TNXB: variants seen among roughly 807,000 people sequenced by gnomAD.
The protein encoded by TNXB is tenascin-X.
Under a neutral mutation model 340.5 loss-of-function variants are expected in TNXB, and 183 were observed. The ratio of observed to expected loss-of-function variants is 0.54; its 90% CI spans 0.48 to 0.61. The LOEUF is 0.61. Among genes scored for constraint, TNXB ranks in the 20% least tolerant of loss-of-function variants. TNXB has a pLI of 0.00. For missense variants in TNXB, 4,613 were observed against 5,446.4 expected, an observed-to-expected ratio of 0.85 and a Z score of 4.82; for synonymous variants, 2,121 against 2,314.5, an observed-to-expected ratio of 0.92 and a Z score of 2.40.
At position 32,049,719 on chromosome 6, in the gene TNXB, T is replaced by C; in HGVS notation, c.9440-132A>G. 4.9e-6 allele frequency: 6 copies of C among 1,221,600 alleles called. No individual in the cohort carries two copies. Among genetic ancestry groups the C allele is most frequent in the Non-Finnish European group, 6.7e-6 (6 of 892,640 alleles). 75.7% of individuals were successfully genotyped at this position (1,221,600 alleles called of 1,614,324 possible). On this transcript the variant is annotated intron_variant, in intron 27 of 43. Coordinates refer to ENST00000644971, the MANE Select transcript of TNXB (RefSeq NM_001365276.2). The surrounding 1 kb of genome is among the most constrained non-coding windows in gnomAD (Gnocchi z 4.5). ...GAAGTCCATTCTTGGGGCTGGGTGG[T>C]CCTGCTCAGCTGACAGCTAACACAC...
At position 32,070,307 on chromosome 6, in the gene TNXB, G is replaced by C. The variant is rs200248536; in HGVS notation, c.5098C>G (p.Gln1700Glu). Residue 1700 changes from glutamine to glutamate, a missense_variant, in exon 14 of 44, where the codon CAG becomes GAG. By Grantham distance (29) the Gln-to-Glu change is conservative (BLOSUM62 2). Transcript: ENST00000644971. This position sits in a 1 kb window ranked among gnomAD's most constrained non-coding sequence, Gnocchi z 6.0. The stretch of plus-strand genomic sequence containing the variant: ...AACTGGACCACAAAAGAGTCGAACT[G>C]GCCCTCAGGAACCGTCCAGGAGAGG... ...LRLSWTVPEGQFDSFVVQFKD... is the reference protein window; with the variant it reads ...LRLSWTVPEGEFDSFVVQFKD... 3.1e-5 allele frequency: 50 copies of C among 1,612,888 alleles called. No individual in the cohort carries two copies. The highest frequency in any genetic ancestry group is 4.1e-5 in the Non-Finnish European group (48 of 1,179,538).
In TNXB at chr6:32,073,551, G is replaced by T; in HGVS notation, c.4681+96C>A. ...CTGAGGGGATCTAGCCCCTCAGTGA[G>T]GGTGCGGTGGTACCAAGGCAGGGCT... On this transcript the variant is annotated intron_variant, in intron 12 of 43. Transcript: ENST00000644971. This position sits in a 1 kb window ranked among gnomAD's most constrained non-coding sequence, Gnocchi z 4.6. 1 of 1,136,114 alleles carries T rather than the reference G, an allele frequency of 8.8e-7. No homozygotes were observed. 70.4% of individuals were successfully genotyped at this position (1,136,114 alleles called of 1,614,324 possible). A position where few individuals can be genotyped will look rare whatever the true frequency, so the allele number is the denominator to read the frequency against.
In TNXB at chr6:32,042,517, C is replaced by G. The variant is rs756862408; in HGVS notation, c.12148G>C (p.Gly4050Arg). The G allele has an allele frequency of 9.3e-6, 15 of 1,612,386 alleles. No homozygotes were observed. Among genetic ancestry groups the G allele is most frequent in the Non-Finnish European group, 1.3e-5 (15 of 1,179,994 alleles). Residue 4050 changes from glycine (G) to arginine (R), a missense_variant, in exon 40 of 44, where the codon GGC (glycine) becomes CGC (arginine). Physicochemically the swap from Gly to Arg is moderately radical, Grantham distance 125. Around this residue, in one of 7 missense-constraint regions of TNXB, gnomAD observed 121 missense variants for 177.4 expected, o/e 0.68. Transcript: ENST00000644971. ...ASRTSTIFLN[G>R]NRERPLNVFC... ...ACGTTCAGGGGCCGCTCGCGGTTGC[C>G]GTTGAGGAAGATGGTGCTGGTCCTG...
chr6:32,072,319 G>A lies in TNXB; in HGVS notation c.4682-21C>T, dbSNP rs759506700. 1.8e-5 allele frequency: 28 copies of A among 1,577,836 alleles called. No homozygotes were observed. The highest frequency in any genetic ancestry group is 2.3e-5 in the Non-Finnish European group (27 of 1,160,150). On this transcript the variant is annotated intron_variant, in intron 12 of 43. Coordinates refer to ENST00000644971, the MANE Select transcript of TNXB (RefSeq NM_001365276.2). The surrounding 1 kb of genome is among the most constrained non-coding windows in gnomAD (Gnocchi z 4.4). Reference sequence around the variant, plus strand: ...GGGAGCTGGGATTTGGGAAGACAAAGAACATGGTTGAGATCTCTGAGGGGA... The same window carrying A: ...GGGAGCTGGGATTTGGGAAGACAAAAAACATGGTTGAGATCTCTGAGGGGA...
chr6:32,086,645 T>C (rs1354078930), intron 6 of TNXB, among the ~76,000 whole-genome samples: 2 of 152,154 alleles, frequency 1.3e-5, no homozygotes, highest in East Asian at 1.9e-4. Flanking sequence ...CAGGGTGCCC[T>C]TTCCCCAAGC....
rs1262353356 is a variant in TNXB, at chr6:32,072,057, G to A, written c.4923C>T (p.Tyr1641=). 2 of 1,612,586 alleles carry A rather than the reference G, an allele frequency of 1.2e-6. No homozygotes were observed. The change falls in exon 13 of 44, where the codon TAC becomes TAT. Residue 1641 remains tyrosine (Y), a synonymous_variant. Transcript: ENST00000644971. This position sits in a 1 kb window ranked among gnomAD's most constrained non-coding sequence, Gnocchi z 4.4. ...CCTGGATCCCAAAGAGCAGGAACTT[G>A]TACTTGCGGGAGGGTTCCAGGTCAG... The part of the protein sequence containing the change: ...TIPDLEPSRK[Y]KFLLFGIQDG...
chr6:32,047,023 C>T lies in TNXB; in HGVS notation c.10325-567G>A, dbSNP rs1185248137. ...CTGGGCCGGGGCAGCCAGGGTGGGG[C>T]AGGGAGAAGACAGGGGATTAGCTGG... On this transcript the variant is annotated intron_variant, in intron 30 of 43. Coordinates refer to ENST00000644971, the MANE Select transcript of TNXB (RefSeq NM_001365276.2). The surrounding 1 kb of genome is among the most constrained non-coding windows in gnomAD (Gnocchi z 6.2). Among the ~76,000 whole-genome samples, 2 of 152,216 alleles carry T rather than the reference C, an allele frequency of 1.3e-5. No homozygotes were observed. The highest frequency in any genetic ancestry group is 2.9e-5 in the Non-Finnish European group (2 of 68,028).
rs1778048109 is a variant in TNXB, at chr6:32,062,012, A to G, written c.7168+145T>C. 1 of 1,172,770 alleles carries G rather than the reference A, an allele frequency of 8.5e-7. No individual in the cohort carries two copies. Among genetic ancestry groups the G allele is most frequent in the Non-Finnish European group, 1.2e-6 (1 of 849,002 alleles). 72.6% of individuals were successfully genotyped at this position (1,172,770 alleles called of 1,614,324 possible). On this transcript the variant is annotated intron_variant, in intron 20 of 43. Coordinates refer to ENST00000644971, the MANE Select transcript of TNXB (RefSeq NM_001365276.2). This position sits in a 1 kb window ranked among gnomAD's most constrained non-coding sequence, Gnocchi z 4.3. The stretch of plus-strand genomic sequence containing the variant: ...GGGGAGCCAGGGGTCAACCACACAA[A>G]AAGGTACAATGGGAGCCCCAGCCCC...
chr6:32,079,336 TG>T lies in TNXB; in HGVS notation c.4071del (p.Ser1358AlafsTer21). On this transcript the variant is annotated frameshift_variant, in exon 11 of 44. Coordinates refer to ENST00000644971, the MANE Select transcript of TNXB (RefSeq NM_001365276.2). LOFTEE classifies it high-confidence loss of function. The surrounding 1 kb of genome is among the most constrained non-coding windows in gnomAD (Gnocchi z 7.1). ...TAPQEDVDETPSPTELGTEAP... is the reference protein window; with the variant it reads ...TAPQEDVDETXSPTELGTEAP... ...GCCTCCGTGCCCAGTTCTGTGGGGC[TG>T]GGGGTCTCGTCCACATCCTCCTGAG... 1.2e-6 allele frequency: 2 copies of T among 1,610,570 alleles called. No individual in the cohort carries two copies. The highest frequency in any genetic ancestry group is 1.7e-6 in the Non-Finnish European group (2 of 1,178,378).
chr6:32,079,650 G>A lies in TNXB; in HGVS notation c.4043-285C>T, dbSNP rs1381252129. Among the ~76,000 whole-genome samples the A allele has an allele frequency of 6.6e-6, 1 of 152,162 alleles. No homozygotes were observed. The highest frequency in any genetic ancestry group is 1.5e-5 in the Non-Finnish European group (1 of 68,014). On this transcript the variant is annotated intron_variant, in intron 10 of 43. Coordinates refer to ENST00000644971, the MANE Select transcript of TNXB (RefSeq NM_001365276.2). The surrounding 1 kb of genome is among the most constrained non-coding windows in gnomAD (Gnocchi z 7.1). ...CCAAACCACGTTCACTGACAGTGCTGACCTCAGACAGTGAGGAGGGCAGTG... is the reference window on the plus strand; with the variant it reads ...CCAAACCACGTTCACTGACAGTGCTAACCTCAGACAGTGAGGAGGGCAGTG...
chr6:32,101,270 ACAGGCATGCGCCACATG>A (rs1184769391), intron 1 of TNXB, among the ~76,000 whole-genome samples: 1 of 151,832 alleles, frequency 6.6e-6, no homozygotes, highest in Non-Finnish European at 1.5e-5. Flanking sequence ...TAGCTAGGAT[ACAGGCATGCGCCACATG>A]CCCAGCTCAT....
intron 6 of TNXB, among the ~76,000 whole-genome samples, chr6:32,088,393 A>G (rs1779914220): frequency 6.6e-6 from 1 of 152,118 alleles, no homozygotes; most frequent in Non-Finnish European, 1.5e-5. Flanking sequence ...AGCAATCCCA[A>G]TCCAAAAGTC....
Position 32,091,564 on chromosome 6 carries a change from G to A in TNXB, c.2359-2185C>T, listed in dbSNP as rs879246116. Among the ~76,000 whole-genome samples the A allele has an allele frequency of 3.3e-5, 5 of 150,124 alleles. No individual in the cohort carries two copies. The Admixed American group carries it at 3.3e-4, about 10-fold the overall frequency. On this transcript the variant is annotated intron_variant, in intron 4 of 43. Coordinates refer to ENST00000644971, the MANE Select transcript of TNXB (RefSeq NM_001365276.2). ...ACGATCTCAGCTCACTACAACCTCC[G>A]CCTCCAAGATTCAAGGGATTCTTCC...
chr6:32,077,534 C>T (rs1356909034), intron 11 of TNXB, among the ~76,000 whole-genome samples: 2 of 152,256 alleles, frequency 1.3e-5, no homozygotes, highest in Admixed American at 6.5e-5. Flanking sequence ...ATTCCCCTCA[C>T]TGTGACTAAA....
At position 32,056,166 on chromosome 6, in the gene TNXB, C is replaced by G; in HGVS notation, c.8152G>C (p.Glu2718Gln). Residue 2718 changes from glutamate to glutamine, a missense_variant, in exon 24 of 44, where the codon GAA becomes CAA. Physicochemically the swap from Glu to Gln is conservative, Grantham distance 29 (BLOSUM62 2). This residue lies in a region of TNXB where 4,327 missense variants were observed against 4,859.4 expected (regional missense o/e 0.89). Coordinates refer to ENST00000644971, the MANE Select transcript of TNXB (RefSeq NM_001365276.2). ...AGTTCCGTGGGGCTGGGGGTCTCTT[C>G]CTCTGCAGCTGAGAAAAGGAGATAT... ...ISVIGVTAAE[E>Q]ETPSPTELST... The G allele has an allele frequency of 6.2e-7, 1 of 1,611,066 alleles. No individual in the cohort carries two copies. The highest frequency in any genetic ancestry group is 8.5e-7 in the Non-Finnish European group (1 of 1,178,656).
rs767481301 is a variant in TNXB, at chr6:32,069,218, A to G, written c.5588-82T>C. On this transcript the variant is annotated intron_variant, in intron 15 of 43. Transcript: ENST00000644971. The surrounding 1 kb of genome is among the most constrained non-coding windows in gnomAD (Gnocchi z 6.2). ...TCAGGAGGAGTGAGGGAGGAGAGGG[A>G]GTGAGGGCAAGCAGTCAGCAATCGA... is the stretch of plus-strand genomic sequence containing the variant. The G allele has an allele frequency of 6.8e-5, 94 of 1,372,884 alleles. No individual in the cohort carries two copies. The highest frequency in any genetic ancestry group is 8.8e-5 in the Non-Finnish European group (89 of 1,016,684). 85.0% of individuals were successfully genotyped at this position (1,372,884 alleles called of 1,614,324 possible). A position where few individuals can be genotyped will look rare whatever the true frequency, so the allele number is the denominator to read the frequency against.
Position 32,074,702 on chromosome 6 carries a change from C to T in TNXB, c.4376-750G>A, listed in dbSNP as rs184332991. On this transcript the variant is annotated intron_variant, in intron 11 of 43. Transcript: ENST00000644971. This position sits in a 1 kb window ranked among gnomAD's most constrained non-coding sequence, Gnocchi z 5.5. ...AGATTACAACTTTTTTTTTTTGAGACGGAGTTTCGCTGTTGTTGCTCAGGC... is the reference window on the plus strand; with the variant it reads ...AGATTACAACTTTTTTTTTTTGAGATGGAGTTTCGCTGTTGTTGCTCAGGC... Among the ~76,000 whole-genome samples, 249 of 151,890 alleles carry T rather than the reference C, an allele frequency of 1.6e-3. 1 individual carries two copies. The highest frequency in any genetic ancestry group is 5.6e-3 in the African/African-American group (231 of 41,438).
chr6:32,099,989 T>C (rs911409692), intron 1 of TNXB, among the ~76,000 whole-genome samples: 1 of 150,358 alleles, frequency 6.7e-6, no homozygotes, highest in Admixed American at 6.6e-5. Context: ...CTCCACCTTA[T>C]GTCTGATATA....
chr6:32,095,955 T>C lies in TNXB; in HGVS notation c.1898A>G (p.Glu633Gly). ...GCCTGGGTCGCACAGGCAGCGCCCT[T>C]CCTCACAGCGGCCCCTCCCGTGGCA... is the stretch of plus-strand genomic sequence containing the variant. ...SNCHGRGRCE[E>G]GRCLCDPGYT... The change falls in exon 3 of 44, where the codon GAA becomes GGA. Residue 633 changes from glutamate to glycine, a missense_variant. Around this residue, in one of 7 missense-constraint regions of TNXB, gnomAD observed 4,327 missense variants for 4,859.4 expected, o/e 0.89. Transcript: ENST00000644971. 1.2e-6 allele frequency: 2 copies of C among 1,613,080 alleles called. No individual in the cohort carries two copies. The highest frequency in any genetic ancestry group is 1.7e-6 in the Non-Finnish European group (2 of 1,179,746).
Sources: gnomAD v4.1 joint callset for allele counts (sites outside exome capture counted in the v4.1 genomes callset) on GRCh38, gnomAD v4.1.1 for gene constraint, gnomAD v4.1.1 regional missense constraint, Gnocchi (gnomAD v3.1) non-coding constraint, MANE v1.5 for transcripts, NCBI Gene and HGNC (gene_info 2026-07-23, HGNC 2026-07-21) for gene names.